Variants in PDIA5 observed in about 807,000 individuals in gnomAD.
PDIA5 encodes the protein protein disulfide isomerase family A member 5.
A neutral mutation model predicts 77.6 loss-of-function variants in PDIA5; 58 were observed. The observed-to-expected ratio is 0.75, with a 90% CI of 0.61 to 0.93. The LOEUF (loss-of-function observed/expected upper bound fraction) is 0.93, where lower values mean the gene tolerates loss of function less well. Among genes scored for constraint, PDIA5 ranks in the 40% least tolerant of loss-of-function variants. The pLI is 0.00. For synonymous variants in PDIA5, 250 were observed against 252.1 expected, an observed-to-expected ratio of 0.99 and a Z score of 0.08; for missense variants, 630 against 647.7, an observed-to-expected ratio of 0.97 and a Z score of 0.30.
Position 123,162,033 on chromosome 3 carries a change from G to T in PDIA5, c.*73G>T, listed in dbSNP as rs1042509392. 4 of 920,898 alleles carry T rather than the reference G, an allele frequency of 4.3e-6. No homozygotes were observed. In the African/African-American group the frequency reaches 6.8e-5, roughly 16 times the overall value. The allele number at this position is 920,898 out of a possible 1,614,324, so 57.0% of individuals were successfully genotyped here. A position where few individuals can be genotyped will look rare whatever the true frequency, so the allele number is the denominator to read the frequency against. ...TTTTGTTGTTTCTGAATTTCCACAT[G>T]TTCTGAAGACAAATTTTTTATAGCC... On this transcript the variant is annotated 3_prime_UTR_variant, in exon 17 of 17. Coordinates refer to ENST00000316218, the MANE Select transcript of PDIA5 (RefSeq NM_006810.4).
chr3:123,097,209 G>A (rs531264687), intron 3 of PDIA5, among the ~76,000 whole-genome samples: 2 of 152,278 alleles, frequency 1.3e-5, no homozygotes, highest in Admixed American at 1.3e-4. Context: ...ACTTACCAGG[G>A]GGTAAAACAG....
intron 8 of PDIA5, among the ~76,000 whole-genome samples, chr3:123,121,136 A>G (rs1935106812): frequency 1.3e-5 from 2 of 152,134 alleles, no homozygotes; most frequent in Non-Finnish European, 2.9e-5. Context: ...CTTTCTGTGT[A>G]TCCTGCCTTC....
chr3:123,141,303 G>A (rs1177260598), intron 11 of PDIA5, among the ~76,000 whole-genome samples: 1 of 152,102 alleles, frequency 6.6e-6, no homozygotes, highest in African/African-American at 2.4e-5. Context: ...GTGGTCAAGG[G>A]AGCCTCTCTT....
chr3:123,143,046 T>C (rs1469357851), intron 11 of PDIA5, among the ~76,000 whole-genome samples: 2 of 151,958 alleles, frequency 1.3e-5, no homozygotes, highest in African/African-American at 4.8e-5. Flanking sequence ...TTTTGCTTCA[T>C]GGGGAGGTAC....
intron 11 of PDIA5, among the ~76,000 whole-genome samples, chr3:123,143,362 G>A (rs1441047069): frequency 6.7e-6 from 1 of 150,014 alleles, no homozygotes; most frequent in Non-Finnish European, 1.5e-5. Flanking sequence ...ACTCCAGCCT[G>A]GGTGACAGAG....
chr3:123,077,189 C>G (rs932345961), intron 1 of PDIA5, among the ~76,000 whole-genome samples: 1 of 152,226 alleles, frequency 6.6e-6, no homozygotes, highest in African/African-American at 2.4e-5. Context: ...AGCTCTCTTA[C>G]TTGCTGTGTG....
intron 3 of PDIA5, among the ~76,000 whole-genome samples, chr3:123,093,074 C>T (rs1026494558): frequency 6.6e-6 from 1 of 152,210 alleles, no homozygotes; most frequent in Non-Finnish European, 1.5e-5. Context: ...TCCTCTTCCT[C>T]TTTAGTCTGA....
chr3:123,151,859 T>TTCCTTCCTGCCCG lies in PDIA5; in HGVS notation c.1273+1495_1273+1496insTCCTTCCTGCCCG, dbSNP rs1560562078. On this transcript the variant is annotated intron_variant, in intron 14 of 16. Transcript: ENST00000316218. ...TGCCTGCCTGCCTTCCTTCCTGCCC[T>TTCCTTCCTGCCCG]CCTTCCTTCCTGCCCGCCTTCCTGC... Among the ~76,000 whole-genome samples the TTCCTTCCTGCCCG allele has an allele frequency of 4.1e-5, 5 of 120,912 alleles. No homozygotes were observed. In the East Asian group the frequency reaches 1.3e-3, roughly 32 times the overall value. 79.3% of individuals were successfully genotyped at this position (120,912 alleles called of 152,430 possible). A position where few individuals can be genotyped will look rare whatever the true frequency, so the allele number is the denominator to read the frequency against.
chr3:123,149,555 G>A (rs1270305037), intron 13 of PDIA5, among the ~76,000 whole-genome samples: 2 of 151,458 alleles, frequency 1.3e-5, no homozygotes, highest in African/African-American at 4.9e-5. Context: ...AGAGTGGAGG[G>A]ACCCAGTGGA....
chr3:123,131,269 C>T (rs1483022068), intron 11 of PDIA5, among the ~76,000 whole-genome samples: 1 of 151,936 alleles, frequency 6.6e-6, no homozygotes, highest in African/African-American at 2.4e-5. Flanking sequence ...GACCCTGTCT[C>T]ATTAGCCGGG....
At chr3:123,142,859 C>T (rs1935674425) in intron 11 of PDIA5, among the ~76,000 whole-genome samples, 1 of 152,214 alleles carries the variant, frequency 6.6e-6, no homozygotes, top group African/African-American at 2.4e-5. Flanking sequence ...CCCTGCCCTC[C>T]TGACTGGGTC....
chr3:123,095,937 T>C (rs1013342151), intron 3 of PDIA5, among the ~76,000 whole-genome samples: 1 of 152,130 alleles, frequency 6.6e-6, no homozygotes, highest in Non-Finnish European at 1.5e-5. Flanking sequence ...CAAGTTGCTC[T>C]CATCCCTAAA....
In PDIA5 at chr3:123,129,467, C is replaced by T. The variant is rs78005109; in HGVS notation, c.774-1013C>T. Among the ~76,000 whole-genome samples the T allele has an allele frequency of 1.1e-3, 162 of 152,314 alleles. 2 individuals are homozygous for T. The East Asian group carries it at 0.029, about 27-fold the overall frequency. On this transcript the variant is annotated intron_variant, in intron 10 of 16. Transcript: ENST00000316218. The stretch of plus-strand genomic sequence containing the variant: ...TTCCATTGTGTCAGCCACTTCACTC[C>T]CTCTGGATTTTCCAGCCCTGGCTGC...
chr3:123,115,197 T>C (rs1934967195), intron 7 of PDIA5, among the ~76,000 whole-genome samples: 1 of 152,178 alleles, frequency 6.6e-6, no homozygotes, highest in Non-Finnish European at 1.5e-5. Context: ...TAAGCCCTGT[T>C]TTGTAGCAGA....
chr3:123,124,362 TGTC>T lies in PDIA5; in HGVS notation c.773+20_773+22del. ...TGAAGAAGTAAGTGGGGTGTGTGTG[TGTC>T]AGTGGGCGTGGACCCAGAGGGCGGG... On this transcript the variant is annotated intron_variant, in intron 10 of 16. Transcript: ENST00000316218. The T allele has an allele frequency of 6.3e-7, 1 of 1,576,646 alleles. No homozygotes were observed. Among genetic ancestry groups the T allele is most frequent in the Non-Finnish European group, 8.7e-7 (1 of 1,146,620 alleles).
chr3:123,103,432 C>T (rs2717234), intron 5 of PDIA5, among the ~76,000 whole-genome samples: 105,444 of 152,014 alleles, frequency 0.69, 37,040 homozygotes, highest in Non-Finnish European at 0.74. Context: ...TGGTCCTGCG[C>T]TGGCTGAAGC....
intron 3 of PDIA5, among the ~76,000 whole-genome samples, chr3:123,094,840 C>A: frequency 6.6e-6 from 1 of 152,216 alleles, no homozygotes; most frequent in Non-Finnish European, 1.5e-5. Flanking sequence ...GCTCTACTTC[C>A]TTCCCTGCCC....
intron 5 of PDIA5, among the ~76,000 whole-genome samples, chr3:123,104,155 G>A (rs911083177): frequency 6.6e-6 from 1 of 152,164 alleles, no homozygotes; most frequent in Non-Finnish European, 1.5e-5. Context: ...TGAGGTCAGC[G>A]TTCTCTTGAC....
chr3:123,099,160 A>T (rs1481932311), intron 3 of PDIA5, among the ~76,000 whole-genome samples: 3 of 152,240 alleles, frequency 2.0e-5, no homozygotes, highest in African/African-American at 7.2e-5. Context: ...AATTTCAGGA[A>T]TTGTCACCTG....
Sources: allele counts gnomAD v4.1 joint callset (sites outside exome capture counted in the v4.1 genomes callset), GRCh38; gene constraint gnomAD v4.1.1; transcripts MANE v1.5; gene names NCBI Gene and HGNC (gene_info 2026-07-23, HGNC 2026-07-21).